PIK3CB: variants seen among roughly 807,000 people sequenced by gnomAD.
PIK3CB encodes the protein phosphatidylinositol-4,5-bisphosphate 3-kinase catalytic subunit beta, also known as phosphatidylinositol 4,5-bisphosphate 3-kinase catalytic subunit beta isoform.
Under a neutral mutation model 136.8 loss-of-function variants are expected in PIK3CB, and 39 were observed. That is an observed-to-expected ratio of 0.29 (90% confidence interval 0.22 to 0.37). The LOEUF (loss-of-function observed/expected upper bound fraction) is 0.37, where lower values mean the gene tolerates loss of function less well. Ranked by LOEUF, PIK3CB falls within the 10% of genes least tolerant of loss-of-function variation. The probability of loss-of-function intolerance (pLI) is 1.00; values close to 1 mark genes in which losing one functional copy is unlikely to be tolerated. For synonymous variants in PIK3CB, 428 were observed against 436.6 expected (o/e 0.98, Z 0.25); for missense variants, 868 against 1,275.4 (o/e 0.68, Z 4.87).
chr3:138,744,392 C>CAAAAAAA (rs60503033), intron 4 of PIK3CB, among the ~76,000 whole-genome samples: 1,023 of 45,106 alleles, frequency 0.023, 474 homozygotes, highest in South Asian at 0.033. Context: ...GAGACTCCCC[C>CAAAAAAA]AAAAAAAAAA....
chr3:138,705,347 G>A (rs1291498197), intron 11 of PIK3CB, among the ~76,000 whole-genome samples: 1 of 151,952 alleles, frequency 6.6e-6, no homozygotes, highest in Admixed American at 6.6e-5. Flanking sequence ...TATATCACGA[G>A]TAGCTATGGC....
At chr3:138,677,763 C>T (rs1246718701) in intron 19 of PIK3CB, among the ~76,000 whole-genome samples, 1 of 152,092 alleles carries the variant, frequency 6.6e-6, no homozygotes, top group Non-Finnish European at 1.5e-5. Context: ...GGCATGGTGG[C>T]ACATTCCTAT....
intron 4 of PIK3CB, among the ~76,000 whole-genome samples, chr3:138,750,914 A>G (rs1052091938): frequency 2.0e-5 from 3 of 152,210 alleles, no homozygotes; most frequent in Non-Finnish European, 4.4e-5. Flanking sequence ...AGCAGAGACC[A>G]TATCACCCAC....
chr3:138,786,417 G>A (rs777217083), intron 2 of PIK3CB, among the ~76,000 whole-genome samples: 9 of 151,606 alleles, frequency 5.9e-5, no homozygotes, highest in African/African-American at 1.2e-4. Flanking sequence ...GTATAATGAC[G>A]CGATCTTGGC....
rs879051175 is a variant in PIK3CB, at chr3:138,656,050, T to C, written c.3075+92A>G. On this transcript the variant is annotated intron_variant, in intron 23 of 23. Transcript: ENST00000674063. The stretch of plus-strand genomic sequence containing the variant: ...ACCATCTTAGAGGAAATGACTTTGT[T>C]CTACTTCCTTCAGCCACTTGAATAA... 3.1e-6 allele frequency: 4 copies of C among 1,310,616 alleles called. No homozygotes were observed. In the South Asian group the frequency reaches 5.2e-5, roughly 17 times the overall value. The allele number at this position is 1,310,616 out of a possible 1,614,324, so 81.2% of individuals were successfully genotyped here.
At chr3:138,742,876 G>A in intron 4 of PIK3CB, 95 bp from the exon 5 acceptor site, 1 of 621,676 alleles carries the variant, frequency 1.6e-6, no homozygotes, top group Non-Finnish European at 2.7e-6. Flanking sequence ...AACTAACTTG[G>A]ATGTTGGATG....
At chr3:138,776,438 C>T (rs114850927) in intron 2 of PIK3CB, among the ~76,000 whole-genome samples, 176 of 152,098 alleles carry the variant, frequency 1.2e-3, no homozygotes, top group African/African-American at 4.1e-3. Flanking sequence ...GCCTGTAATT[C>T]GAGTACTGTG....
At position 138,727,326 on chromosome 3, in the gene PIK3CB, A is replaced by T. The variant is rs1284196917; in HGVS notation, c.1050+6035T>A. On this transcript the variant is annotated intron_variant, in intron 8 of 23. Transcript: ENST00000674063. ...ACTGTCAGCTTTAAGGAGGGCAGAG[A>T]ATCCTCAGTGAGACTGACTTATTTG... Among the ~76,000 whole-genome samples the T allele has an allele frequency of 3.3e-5, 5 of 152,346 alleles. No individual in the cohort carries two copies. The East Asian group carries it at 5.8e-4, about 18-fold the overall frequency.
intron 1 of PIK3CB, among the ~76,000 whole-genome samples, chr3:138,815,734 A>G (rs1009716214): frequency 6.6e-6 from 1 of 152,182 alleles, no homozygotes; most frequent in Non-Finnish European, 1.5e-5. Context: ...AGTATACAGG[A>G]GGATGTGTGC....
chr3:138,672,754 A>T (rs560987571), intron 19 of PIK3CB, among the ~76,000 whole-genome samples: 1 of 152,176 alleles, frequency 6.6e-6, no homozygotes, highest in African/African-American at 2.4e-5. Flanking sequence ...TCTACTAAAA[A>T]TACAAAAATT....
At chr3:138,757,500 C>T (rs1224724950) in intron 3 of PIK3CB, among the ~76,000 whole-genome samples, 1 of 150,672 alleles carries the variant, frequency 6.6e-6, no homozygotes, top group Non-Finnish European at 1.5e-5. Context: ...CACACACACA[C>T]ACACACACAC....
intron 13 of PIK3CB, among the ~76,000 whole-genome samples, chr3:138,697,748 T>C (rs1240445493): frequency 6.6e-6 from 1 of 151,786 alleles, no homozygotes; most frequent in Non-Finnish European, 1.5e-5. Context: ...AGCCATTTTA[T>C]TTTTTTGAGA....
chr3:138,751,599 A>C (rs2108703605), intron 4 of PIK3CB, among the ~76,000 whole-genome samples: 1 of 152,290 alleles, frequency 6.6e-6, no homozygotes. Flanking sequence ...CTACTGTAAA[A>C]TTTATAGTCA....
At chr3:138,799,813 G>A (rs916666717) in intron 1 of PIK3CB, among the ~76,000 whole-genome samples, 13 of 151,876 alleles carry the variant, frequency 8.6e-5, no homozygotes, top group African/African-American at 3.1e-4. Context: ...TAGTAGCTGA[G>A]ACCTCAGGTG....
intron 1 of PIK3CB, among the ~76,000 whole-genome samples, chr3:138,833,994 T>G (rs1382579195): frequency 6.6e-6 from 1 of 152,110 alleles, no homozygotes. Flanking sequence ...ATTAAGCAAC[T>G]CCAGTATCGG....
At chr3:138,752,277 CA>C (rs2045487129) in intron 4 of PIK3CB, among the ~76,000 whole-genome samples, 1 of 151,980 alleles carries the variant, frequency 6.6e-6, no homozygotes, top group Non-Finnish European at 1.5e-5. Flanking sequence ...TTAGCCTAGT[CA>C]GGGCAATTAC....
intron 1 of PIK3CB, among the ~76,000 whole-genome samples, chr3:138,811,704 GT>G (rs1933073352): frequency 6.6e-6 from 1 of 152,050 alleles, no homozygotes; most frequent in African/African-American, 2.4e-5. Context: ...GATTACAGGT[GT>G]GAGCCACTGC....
chr3:138,821,007 C>A (rs904520463), intron 1 of PIK3CB, among the ~76,000 whole-genome samples: 6 of 151,722 alleles, frequency 4.0e-5, no homozygotes, highest in Non-Finnish European at 8.8e-5. Context: ...TTAATGGGGG[C>A]TGGGCACGGT....
chr3:138,666,104 T>C (rs1401929289), intron 19 of PIK3CB, among the ~76,000 whole-genome samples: 1 of 152,238 alleles, frequency 6.6e-6, no homozygotes, highest in Non-Finnish European at 1.5e-5. Context: ...GCTCAATTAA[T>C]AGGTGGCAGT....
Sources: allele counts gnomAD v4.1 joint callset (sites outside exome capture counted in the v4.1 genomes callset), GRCh38; gene constraint gnomAD v4.1.1; transcripts MANE v1.5; gene names NCBI Gene and HGNC (gene_info 2026-07-23, HGNC 2026-07-21).